Variants in PRKD1 observed in about 807,000 individuals in gnomAD.
PRKD1 encodes the protein serine/threonine-protein kinase D1.
Under a neutral mutation model 95.9 loss-of-function variants are expected in PRKD1, and 63 were observed. The observed-to-expected ratio is 0.66, with a 90% CI of 0.54 to 0.81. The LOEUF is 0.81. Ranked by LOEUF, PRKD1 falls within the 30% of genes least tolerant of loss-of-function variation. The pLI is 0.00. For missense variants in PRKD1, 1,048 were observed against 1,165.3 expected (o/e 0.90, Z 1.47); for synonymous variants, 425 against 423.1 (o/e 1.00, Z -0.05).
At chr14:29,844,178 T>C (rs749659082) in intron 1 of PRKD1, among the ~76,000 whole-genome samples, 20 of 152,158 alleles carry the variant, frequency 1.3e-4, no homozygotes, top group Admixed American at 3.3e-4. Flanking sequence ...TAAATAACTA[T>C]TGCAGAAATG....
At chr14:29,839,670 A>T (rs1356528386) in intron 1 of PRKD1, among the ~76,000 whole-genome samples, 2 of 152,020 alleles carry the variant, frequency 1.3e-5, no homozygotes, top group Admixed American at 1.3e-4. Context: ...CTGCTTGGAC[A>T]TCCCAGCATT....
intron 1 of PRKD1, among the ~76,000 whole-genome samples, chr14:29,757,926 A>AT (rs543530749): frequency 1.1e-4 from 17 of 152,078 alleles, no homozygotes; most frequent in Non-Finnish European, 2.1e-4. Flanking sequence ...GACATCCTTC[A>AT]TATCTGGGGT....
intron 13 of PRKD1, among the ~76,000 whole-genome samples, chr14:29,622,971 G>T (rs771122225): frequency 6.6e-6 from 1 of 152,164 alleles, no homozygotes; most frequent in African/African-American, 2.4e-5. Flanking sequence ...ACCACAGTGC[G>T]TGGAGACTGG....
At chr14:29,840,875 C>T (rs1164657649) in intron 1 of PRKD1, among the ~76,000 whole-genome samples, 2 of 152,218 alleles carry the variant, frequency 1.3e-5, no homozygotes, top group Non-Finnish European at 2.9e-5. Context: ...GTCCCTCCCA[C>T]AACACGTGGG....
intron 1 of PRKD1, among the ~76,000 whole-genome samples, chr14:29,926,188 G>T (rs1349653751): frequency 6.6e-6 from 1 of 152,116 alleles, no homozygotes; most frequent in Non-Finnish European, 1.5e-5. Context: ...AGCAAACTCT[G>T]TTACAAATAA....
chr14:29,665,704 C>G (rs546700568), intron 3 of PRKD1, among the ~76,000 whole-genome samples: 21 of 151,880 alleles, frequency 1.4e-4, no homozygotes, highest in Admixed American at 1.2e-3. Flanking sequence ...AGTGTATACA[C>G]GCACACACAC....
rs147513256 is a variant in PRKD1 at position 29,580,081 on chromosome 14, G to A, written c.2435-1721C>T. On this transcript the variant is annotated intron_variant, in intron 16 of 17. Coordinates refer to ENST00000331968, the MANE Select transcript of PRKD1 (RefSeq NM_002742.3). Reference sequence around the variant, plus strand: ...TGCAAGCTTGCTGCAGCATTACACTGCCCTAGACACTGCAGGAAATAAATT... The same window carrying A: ...TGCAAGCTTGCTGCAGCATTACACTACCCTAGACACTGCAGGAAATAAATT... 1.4e-4 allele frequency among the ~76,000 whole-genome samples: 21 copies of A among 152,234 alleles called. No homozygotes were observed. In the East Asian group the frequency reaches 3.5e-3, roughly 25 times the overall value.
intron 4 of PRKD1, among the ~76,000 whole-genome samples, chr14:29,643,662 C>T (rs565607225): frequency 6.6e-6 from 1 of 152,284 alleles, no homozygotes; most frequent in African/African-American, 2.4e-5. Flanking sequence ...GAAATAATTT[C>T]CCAACAAGGT....
intron 1 of PRKD1, among the ~76,000 whole-genome samples, chr14:29,917,958 T>A (rs1894949083): frequency 6.6e-6 from 1 of 152,134 alleles, no homozygotes; most frequent in African/African-American, 2.4e-5. Context: ...TTTTAGTTTC[T>A]GGGGTACATG....
At chr14:29,866,353 C>T (rs1473596624) in intron 1 of PRKD1, among the ~76,000 whole-genome samples, 1 of 152,110 alleles carries the variant, frequency 6.6e-6, no homozygotes, top group Non-Finnish European at 1.5e-5. Flanking sequence ...CATCATATAC[C>T]ATTCTATACT....
At chr14:29,731,097 C>G (rs1480213050) in intron 1 of PRKD1, among the ~76,000 whole-genome samples, 1 of 152,016 alleles carries the variant, frequency 6.6e-6, no homozygotes, top group African/African-American at 2.4e-5. Context: ...TAGTTCAAAA[C>G]ATGATGTGGT....
Position 29,636,284 on chromosome 14 carries a change from T to A in PRKD1, c.1190+6A>T, listed in dbSNP as rs528036674. 6.2e-7 allele frequency: 1 copy of A among 1,614,248 alleles called. No individual in the cohort carries two copies. Among genetic ancestry groups the A allele is most frequent in the East Asian group, 2.2e-5 (1 of 44,886 alleles). On this transcript the variant is annotated splice_donor_region_variant and intron_variant, in intron 7 of 17. Transcript: ENST00000331968. Reference sequence around the variant, plus strand: ...TGTTGGCTGAGGCTGGGAGTGCTGCTCTCACCTGATGGTTCTGTTGGCGTC... The same window carrying A: ...TGTTGGCTGAGGCTGGGAGTGCTGCACTCACCTGATGGTTCTGTTGGCGTC...
chr14:29,628,700 G>C (rs1170332837), intron 11 of PRKD1, among the ~76,000 whole-genome samples: 1 of 152,042 alleles, frequency 6.6e-6, no homozygotes, highest in East Asian at 1.9e-4. Flanking sequence ...TGCAAATTGA[G>C]AAATTTATTT....
intron 8 of PRKD1, 55 bp downstream of exon 8, chr14:29,634,363 A>G: frequency 1.2e-6 from 2 of 1,612,264 alleles, no homozygotes; most frequent in East Asian, 2.2e-5. Context: ...GACATTAGCA[A>G]CTCCTCTAAT....
At chr14:29,593,623 G>GTATC (rs1167833451) in intron 16 of PRKD1, among the ~76,000 whole-genome samples, 1 of 152,162 alleles carries the variant, frequency 6.6e-6, no homozygotes, top group Non-Finnish European at 1.5e-5. Context: ...AGCTGCTAGG[G>GTATC]TATCATTGCT....
chr14:29,773,760 T>A (rs982233346), intron 1 of PRKD1, among the ~76,000 whole-genome samples: 1 of 152,220 alleles, frequency 6.6e-6, no homozygotes, highest in Non-Finnish European at 1.5e-5. Flanking sequence ...ATTAAATTCA[T>A]AAGAGACTGC....
At chr14:29,918,272 G>T (rs1360812993) in intron 1 of PRKD1, among the ~76,000 whole-genome samples, 1 of 152,070 alleles carries the variant, frequency 6.6e-6, no homozygotes, top group East Asian at 1.9e-4. Context: ...GAGGGAGAAA[G>T]AATCTTGTAG....
intron 1 of PRKD1, among the ~76,000 whole-genome samples, chr14:29,864,780 G>A (rs940522538): frequency 2.0e-5 from 3 of 152,060 alleles, no homozygotes; most frequent in Non-Finnish European, 2.9e-5. Flanking sequence ...GGGAAATAAA[G>A]GACCTAGGAA....
chr14:29,638,696 T>G lies in PRKD1; in HGVS notation c.905A>C (p.Lys302Thr). The change falls in exon 5 of 18, where the codon AAA (lysine) becomes ACA (threonine). Residue 302 changes from lysine (K) to threonine (T), a missense_variant and splice_region_variant. By Grantham distance (78) the Lys-to-Thr change is moderately conservative (BLOSUM62 -1). Coordinates refer to ENST00000331968, the MANE Select transcript of PRKD1 (RefSeq NM_002742.3). ...ACAGGTGACAAAATCATCCTTACCT[T>G]TGCACTGCAAGCCCTGCCTGAAAAG... ...KGLFRQGLQCKDCRFNCHKRC... is the reference protein window; with the variant it reads ...KGLFRQGLQCTDCRFNCHKRC... 1 of 1,614,076 alleles carries G rather than the reference T, an allele frequency of 6.2e-7. No individual in the cohort carries two copies. Among genetic ancestry groups the G allele is most frequent in the Non-Finnish European group, 8.5e-7 (1 of 1,179,982 alleles).
Sources: allele counts gnomAD v4.1 joint callset (sites outside exome capture counted in the v4.1 genomes callset), GRCh38; gene constraint gnomAD v4.1.1; transcripts MANE v1.5; gene names NCBI Gene and HGNC (gene_info 2026-07-23, HGNC 2026-07-21).